Variants in L3MBTL4 observed in about 807,000 individuals in gnomAD.
L3MBTL4 encodes lethal(3)malignant brain tumor-like protein 4.
L3MBTL4 carries 70 observed loss-of-function variants against 84.5 expected under a neutral mutation model. The ratio of observed to expected loss-of-function variants is 0.83; its 90% CI spans 0.68 to 1.01. The LOEUF (loss-of-function observed/expected upper bound fraction) is 1.01, where lower values mean the gene tolerates loss of function less well. L3MBTL4 is among the 50% of genes least tolerant of loss of function. The pLI, the probability that L3MBTL4 is intolerant of heterozygous loss-of-function variation, is 0.00. For synonymous variants in L3MBTL4, 274 were observed against 259.8 expected (o/e 1.05, Z -0.52); for missense variants, 715 against 754.8 (o/e 0.95, Z 0.62).
At chr18:6,314,077 GAT>G (rs2050969901) in intron 1 of L3MBTL4, among the ~76,000 whole-genome samples, 1 of 147,428 alleles carries the variant, frequency 6.8e-6, no homozygotes, top group Non-Finnish European at 1.5e-5. Flanking sequence ...TAGATAGATA[GAT>G]AGATAGTCTA....
intron 1 of L3MBTL4, among the ~76,000 whole-genome samples, chr18:6,355,447 A>G (rs934168587): frequency 2.0e-5 from 3 of 152,122 alleles, no homozygotes; most frequent in African/African-American, 7.2e-5. Context: ...TTCTTTGGAA[A>G]AGAAAAACCT....
intron 14 of L3MBTL4, among the ~76,000 whole-genome samples, chr18:6,094,322 C>T (rs1221793059): frequency 6.6e-6 from 1 of 152,200 alleles, no homozygotes; most frequent in African/African-American, 2.4e-5. Flanking sequence ...GGAAGACACA[C>T]CCAAGACAGG....
At chr18:6,137,294 T>C (rs995800403) in intron 14 of L3MBTL4, among the ~76,000 whole-genome samples, 1 of 152,204 alleles carries the variant, frequency 6.6e-6, no homozygotes, top group Non-Finnish European at 1.5e-5. Context: ...TGTTAATAGA[T>C]TTACACATAT....
chr18:5,960,021 T>G, intron 18 of L3MBTL4, 73 bp downstream of exon 18: 1 of 273,036 alleles, frequency 3.7e-6, no homozygotes, highest in Non-Finnish European at 5.8e-6. Context: ...CATATATATA[T>G]ATACATATAT....
At chr18:6,054,257 C>T (rs1395370339) in intron 16 of L3MBTL4, among the ~76,000 whole-genome samples, 1 of 152,118 alleles carries the variant, frequency 6.6e-6, no homozygotes, top group Non-Finnish European at 1.5e-5. Flanking sequence ...ATTGCTGTCA[C>T]TTAAGTCCCC....
intron 14 of L3MBTL4, among the ~76,000 whole-genome samples, chr18:6,100,753 T>C (rs2058797967): frequency 6.6e-6 from 1 of 152,174 alleles, no homozygotes; most frequent in Non-Finnish European, 1.5e-5. Context: ...GTGGCTTCCA[T>C]TGGCACCAGG....
At chr18:6,042,400 A>C (rs1051766864) in intron 16 of L3MBTL4, among the ~76,000 whole-genome samples, 1 of 151,960 alleles carries the variant, frequency 6.6e-6, no homozygotes, top group Non-Finnish European at 1.5e-5. Context: ...CCAAGCACGT[A>C]AATCCACACC....
At chr18:6,172,841 T>C (rs2044042472) in intron 12 of L3MBTL4, among the ~76,000 whole-genome samples, 1 of 152,230 alleles carries the variant, frequency 6.6e-6, no homozygotes, top group African/African-American at 2.4e-5. Context: ...CCTAGTGCTG[T>C]AATAAGCCAA....
chr18:6,145,285 T>C (rs113436895), intron 13 of L3MBTL4, among the ~76,000 whole-genome samples: 2,148 of 152,210 alleles, frequency 0.014, 49 homozygotes, highest in African/African-American at 0.048. Flanking sequence ...TAAATGAAAA[T>C]GCTTATTATT....
chr18:6,107,287 G>A (rs1016512816), intron 14 of L3MBTL4, among the ~76,000 whole-genome samples: 20 of 152,198 alleles, frequency 1.3e-4, no homozygotes, highest in African/African-American at 4.1e-4. Flanking sequence ...ATGGGCTGAG[G>A]GGTGGGCCTG....
chr18:6,054,977 T>C (rs2145838088), intron 16 of L3MBTL4, among the ~76,000 whole-genome samples: 1 of 152,316 alleles, frequency 6.6e-6, no homozygotes, highest in East Asian at 1.9e-4. Context: ...TAAAATACAG[T>C]TGAAAACACC....
chr18:6,214,892 G>T (rs919510041), intron 11 of L3MBTL4, among the ~76,000 whole-genome samples: 1 of 152,118 alleles, frequency 6.6e-6, no homozygotes, highest in Non-Finnish European at 1.5e-5. Context: ...AGTACAATAA[G>T]CATTTTTGCT....
intron 16 of L3MBTL4, among the ~76,000 whole-genome samples, chr18:6,070,987 A>G (rs1424126006): frequency 1.3e-5 from 2 of 152,196 alleles, no homozygotes; most frequent in Non-Finnish European, 2.9e-5. Context: ...ATAAACAACA[A>G]GCTAATAGAG....
At chr18:6,050,346 T>C (rs568761998) in intron 16 of L3MBTL4, among the ~76,000 whole-genome samples, 18 of 152,222 alleles carry the variant, frequency 1.2e-4, no homozygotes, top group Admixed American at 2.0e-4. Context: ...CTGGCTGATT[T>C]AGCTTTAGCA....
At chr18:6,103,198 T>C (rs2058892196) in intron 14 of L3MBTL4, among the ~76,000 whole-genome samples, 2 of 152,220 alleles carry the variant, frequency 1.3e-5, no homozygotes. Context: ...ACAGTTAACA[T>C]TAAGCACTAA....
intron 17 of L3MBTL4, among the ~76,000 whole-genome samples, chr18:5,965,443 G>T (rs565016769): frequency 6.6e-6 from 1 of 152,068 alleles, no homozygotes; most frequent in Non-Finnish European, 1.5e-5. Flanking sequence ...ATTCCAACAC[G>T]CCCCATCCCT....
chr18:6,040,532 C>T (rs1158520795), intron 16 of L3MBTL4, among the ~76,000 whole-genome samples: 2 of 152,258 alleles, frequency 1.3e-5, no homozygotes, highest in African/African-American at 2.4e-5. Flanking sequence ...TTACTGAGTA[C>T]CTGCCGTGGG....
rs1209478443 is a variant in L3MBTL4 at position 6,135,151 on chromosome 18, T to C, written c.1199+3043A>G. On this transcript the variant is annotated intron_variant, in intron 14 of 18. Transcript: ENST00000317931. Reference sequence around the variant, plus strand: ...TGAAGCCATAGCCCAAGCCTTATGTTGGCCCCTTTCAGCCACAGCTGGAGC... The same window carrying C: ...TGAAGCCATAGCCCAAGCCTTATGTCGGCCCCTTTCAGCCACAGCTGGAGC... Among the ~76,000 whole-genome samples the C allele has an allele frequency of 5.3e-5, 8 of 152,172 alleles. No individual in the cohort carries two copies. The South Asian group carries it at 1.5e-3, about 28-fold the overall frequency.
At chr18:5,956,515 G>A (rs2095228030) in intron 18 of L3MBTL4, 128 bp from the exon 19 acceptor site, 2 of 746,438 alleles carry the variant, frequency 2.7e-6, no homozygotes, top group Non-Finnish European at 4.4e-6. Flanking sequence ...TCACCAGTGA[G>A]AGAGAATGAC....
Sources: gnomAD v4.1 joint callset for allele counts (sites outside exome capture counted in the v4.1 genomes callset) on GRCh38, gnomAD v4.1.1 for gene constraint, MANE v1.5 for transcripts, NCBI Gene and HGNC (gene_info 2026-07-23, HGNC 2026-07-21) for gene names.